The following STARD13 variants were observed in gnomAD, a reference collection of about 807,000 sequenced individuals.
STARD13 encodes the protein StAR related lipid transfer domain containing 13, also known as stAR-related lipid transfer protein 13.
A neutral mutation model predicts 106.4 loss-of-function variants in STARD13; 62 were observed. That is an observed-to-expected ratio of 0.58 (90% CI 0.48 to 0.72). The LOEUF (loss-of-function observed/expected upper bound fraction) is 0.72. Ranked by LOEUF, STARD13 falls within the 30% of genes least tolerant of loss-of-function variation. The probability of loss-of-function intolerance (pLI) is 0.00; values close to 1 mark genes in which losing one functional copy is unlikely to be tolerated. For missense variants in STARD13, 1,387 were observed against 1,424.0 expected (o/e 0.97, Z 0.42); for synonymous variants, 565 against 553.0 (o/e 1.02, Z -0.31).
upstream of STARD13, among the ~76,000 whole-genome samples, chr13:33,286,261 G>C (rs1293787941): frequency 3.9e-5 from 6 of 152,094 alleles, no homozygotes; most frequent in South Asian, 1.0e-3. Flanking sequence ...AACTTTTCCA[G>C]TGAAAAATAA....
At chr13:33,401,300 C>A in the STARD13 span, among the ~76,000 whole-genome samples, 1 of 152,172 alleles carries the variant, frequency 6.6e-6, no homozygotes, top group Non-Finnish European at 1.5e-5. Context: ...AAATTACATA[C>A]GCACTGGCTC....
chr13:33,389,758 A>G, the STARD13 span, among the ~76,000 whole-genome samples: 1 of 152,194 alleles, frequency 6.6e-6, no homozygotes, highest in Non-Finnish European at 1.5e-5. Context: ...GCCAATTGCA[A>G]TTAAAATGAA....
chr13:33,583,930 T>C, the STARD13 span, among the ~76,000 whole-genome samples: 116 of 152,236 alleles, frequency 7.6e-4, 1 homozygote, highest in Admixed American at 3.7e-3. Flanking sequence ...TGAGCATAGA[T>C]GTACAGATAC....
At chr13:33,139,240 T>C (rs1593942711) in intron 4 of STARD13, among the ~76,000 whole-genome samples, 1 of 152,218 alleles carries the variant, frequency 6.6e-6, no homozygotes, top group East Asian at 1.9e-4. Flanking sequence ...TCTCTGAATA[T>C]CTCTGAAAGG....
At chr13:33,266,367 T>C (rs894061856) in intron 1 of STARD13, among the ~76,000 whole-genome samples, 34 of 152,236 alleles carry the variant, frequency 2.2e-4, no homozygotes, top group African/African-American at 8.2e-4. Flanking sequence ...GTCTGGCCAC[T>C]TCAAACCCAT....
upstream of STARD13, chr13:33,350,675 TCTCCTCCC>T: frequency 8.5e-7 from 1 of 1,176,840 alleles, no homozygotes; most frequent in Non-Finnish European, 1.1e-6. Flanking sequence ...CCACTTTCCT[TCTCCTCCC>T]CTCCTCCCCT....
chr13:33,636,945 T>C, the STARD13 span, among the ~76,000 whole-genome samples: 6 of 152,136 alleles, frequency 3.9e-5, no homozygotes, highest in Non-Finnish European at 5.9e-5. Flanking sequence ...ATGTCAGTGG[T>C]GTTATCTTTT....
chr13:33,172,577 G>A (rs561384052), intron 1 of STARD13, among the ~76,000 whole-genome samples: 7 of 152,192 alleles, frequency 4.6e-5, no homozygotes, highest in Non-Finnish European at 1.0e-4. Flanking sequence ...CAACCTCATT[G>A]TATTTTTAAG....
Position 33,340,450 on chromosome 13 carries a change from A to AT in STARD13, c.124+9839dup, listed in dbSNP as rs1227044981. Reference sequence around the variant, plus strand: ...AACACTTTCAAAGATGCTTCAAGAAATTTGAAATGTTTCCATTTTATCCAG... The same window carrying AT: ...AACACTTTCAAAGATGCTTCAAGAAATTTTGAAATGTTTCCATTTTATCCAG... On this transcript the variant is annotated intron_variant, in intron 1 of 5. Transcript: ENST00000567873. Among the ~76,000 whole-genome samples, 3 of 2,280 alleles carry AT rather than the reference A, an allele frequency of 1.3e-3. No individual in the cohort carries two copies. In the Admixed American group the frequency reaches 0.027, roughly 21 times the overall value. 1.5% of individuals were successfully genotyped at this position (2,280 alleles called of 152,430 possible).
chr13:33,566,653 G>C, the STARD13 span, among the ~76,000 whole-genome samples: 1 of 148,228 alleles, frequency 6.7e-6, no homozygotes. Context: ...TGAATAGACA[G>C]CCAGCTTCCC....
the STARD13 span, among the ~76,000 whole-genome samples, chr13:33,534,757 T>C: frequency 5.9e-5 from 9 of 152,194 alleles, no homozygotes; most frequent in South Asian, 4.1e-4. Context: ...GTTTTAACAT[T>C]ATTTTATAAA....
At chr13:33,606,855 T>C in the STARD13 span, among the ~76,000 whole-genome samples, 1 of 152,228 alleles carries the variant, frequency 6.6e-6, no homozygotes, top group Non-Finnish European at 1.5e-5. Flanking sequence ...TTCAAGCTTC[T>C]CGAGGCCCTC....
chr13:33,309,182 G>A (rs1893039116), intron 1 of STARD13, among the ~76,000 whole-genome samples: 1 of 152,108 alleles, frequency 6.6e-6, no homozygotes, highest in African/African-American at 2.4e-5. Flanking sequence ...CTCTAGCCAG[G>A]TTGATAGAGA....
At position 33,225,888 on chromosome 13, in the gene STARD13, TCTC is replaced by T. The variant is rs536887638; in HGVS notation, c.170-58269_170-58267del. On this transcript the variant is annotated intron_variant, in intron 1 of 13. Transcript: ENST00000336934. ...AAGCTCTGATATGGACTGAAGTGTG[TCTC>T]CTCCTCAAATTCATATGTTAAAGCC... Among the ~76,000 whole-genome samples the T allele has an allele frequency of 1.1e-3, 161 of 152,308 alleles. 4 individuals carry two copies. The highest frequency in any genetic ancestry group is 9.5e-3 in the Admixed American group (146 of 15,300).
At chr13:33,529,278 T>C in the STARD13 span, among the ~76,000 whole-genome samples, 215 of 152,298 alleles carry the variant, frequency 1.4e-3, 2 homozygotes, top group African/African-American at 4.7e-3. Flanking sequence ...ACTAACGGAA[T>C]AAAGCATGAG....
chr13:33,674,693 TAAAGAAAGTGTCATCTTTAGTA>T, the STARD13 span, among the ~76,000 whole-genome samples: 108 of 152,300 alleles, frequency 7.1e-4, no homozygotes, highest in African/African-American at 2.2e-3. Context: ...AATCTTTCAA[TAAAGAAAGTGTCATCTTTAGTA>T]AAAGAAACAG....
chr13:33,502,854 G>A, the STARD13 span, among the ~76,000 whole-genome samples: 2 of 152,140 alleles, frequency 1.3e-5, no homozygotes, highest in Non-Finnish European at 2.9e-5. Flanking sequence ...CTTTTTTGTT[G>A]TGTCTCTGCC....
At chr13:33,588,324 A>G in the STARD13 span, among the ~76,000 whole-genome samples, 2 of 152,220 alleles carry the variant, frequency 1.3e-5, no homozygotes, top group Non-Finnish European at 2.9e-5. Flanking sequence ...CATTTCTAAT[A>G]GAAGGTCTTA....
At chr13:33,575,212 G>A in the STARD13 span, among the ~76,000 whole-genome samples, 3 of 151,760 alleles carry the variant, frequency 2.0e-5, no homozygotes, top group Non-Finnish European at 2.9e-5. Flanking sequence ...CACTGCGCCC[G>A]GCCATACCTA....
Sources: gnomAD v4.1 joint callset for allele counts (sites outside exome capture counted in the v4.1 genomes callset) on GRCh38, gnomAD v4.1.1 for gene constraint, MANE v1.5 for transcripts, NCBI Gene and HGNC (gene_info 2026-07-23, HGNC 2026-07-21) for gene names.